The following SPTBN1 variants were observed in gnomAD, a reference collection of about 807,000 sequenced individuals.
SPTBN1 encodes the protein spectrin beta, non-erythrocytic 1, also known as spectrin beta chain, non-erythrocytic 1.
A neutral mutation model predicts 266.4 loss-of-function variants in SPTBN1; 32 were observed. The ratio of observed to expected loss-of-function variants is 0.12; its 90% CI spans 0.09 to 0.16. SPTBN1 has a LOEUF of 0.16. Among genes scored for constraint, SPTBN1 ranks in the 10% least tolerant of loss-of-function variants. The pLI is 1.00. For synonymous variants in SPTBN1, 1,336 were observed against 1,162.2 expected, an observed-to-expected ratio of 1.15 and a Z score of -3.04; for missense variants, 2,296 against 3,067.1, an observed-to-expected ratio of 0.75 and a Z score of 5.94.
intron 1 of SPTBN1, among the ~76,000 whole-genome samples, chr2:54,472,086 GGC>G (rs1693958045): frequency 7.6e-6 from 1 of 130,866 alleles, no homozygotes. Flanking sequence ...AGAGTGCAGT[GGC>G]GCGATCTTGG....
chr2:54,664,624 G>A lies in SPTBN1; in HGVS notation c.6592G>A (p.Ala2198Thr). The A allele has an allele frequency of 3.1e-6, 5 of 1,614,152 alleles. No individual in the cohort carries two copies. Among genetic ancestry groups the A allele is most frequent in the Non-Finnish European group, 4.2e-6 (5 of 1,180,032 alleles). The part of the protein sequence containing the change: ...LPARTQETPS[A>T]QMEGFLNRKH... The stretch of plus-strand genomic sequence containing the variant: ...AGCCAGAACCCAGGAGACACCTTCG[G>A]CCCAGATGGAAGGCTTCCTCAATCG... Residue 2198 changes from alanine to threonine, a missense_variant, in exon 33 of 36, where the codon GCC becomes ACC. Physicochemically the swap from Ala to Thr is moderately conservative, Grantham distance 58. Coordinates refer to ENST00000356805, the MANE Select transcript of SPTBN1 (RefSeq NM_003128.3). This position sits in a 1 kb window ranked among gnomAD's most constrained non-coding sequence, Gnocchi z 5.6.
chr2:54,648,161 T>C (rs923090956), intron 24 of SPTBN1, among the ~76,000 whole-genome samples: 2 of 152,214 alleles, frequency 1.3e-5, no homozygotes, highest in African/African-American at 4.8e-5. Flanking sequence ...TAAATGCCTT[T>C]TATGACTTGG....
intron 17 of SPTBN1, among the ~76,000 whole-genome samples, chr2:54,635,773 G>C (rs1296476386): frequency 6.6e-6 from 1 of 152,160 alleles, no homozygotes; most frequent in South Asian, 2.1e-4. Flanking sequence ...TCCTGCATTT[G>C]TCACTAAACT....
At chr2:54,623,757 C>A (rs983610058) in intron 10 of SPTBN1, among the ~76,000 whole-genome samples, 161 bp downstream of exon 10, 2 of 152,216 alleles carry the variant, frequency 1.3e-5, no homozygotes, top group Non-Finnish European at 2.9e-5. Flanking sequence ...AAGGACCAAG[C>A]AAGCAATGGT....
intron 2 of SPTBN1, among the ~76,000 whole-genome samples, chr2:54,575,592 T>C (rs778489761): frequency 6.6e-5 from 10 of 152,276 alleles, no homozygotes; most frequent in African/African-American, 1.9e-4. Flanking sequence ...TCAGGTGATA[T>C]TGAGCGTTGA....
At chr2:54,569,507 T>A (rs1352372026) in intron 2 of SPTBN1, among the ~76,000 whole-genome samples, 1 of 152,202 alleles carries the variant, frequency 6.6e-6, no homozygotes, top group East Asian at 1.9e-4. Flanking sequence ...CACACACATA[T>A]ACACACACGT....
rs922595271 is a variant in SPTBN1, at chr2:54,632,572, G to A, written c.3571G>A (p.Val1191Ile). Residue 1191 changes from valine to isoleucine, a missense_variant, in exon 17 of 36, where the codon GTT (valine) becomes ATT (isoleucine). By Grantham distance (29) the Val-to-Ile change is conservative (BLOSUM62 3). Transcript: ENST00000356805. ...AEAFLNNQEYVLAHTEMPTTL... is the reference protein window; with the variant it reads ...AEAFLNNQEYILAHTEMPTTL... ...GTTCCTCTTTTTAAATAAGGAGTAT[G>A]TTCTGGCTCACACTGAAATGCCTAC... 3.1e-6 allele frequency: 5 copies of A among 1,614,234 alleles called. No homozygotes were observed. Among genetic ancestry groups the A allele is most frequent in the Admixed American group, 1.7e-5 (1 of 60,032 alleles).
At chr2:54,548,044 G>A (rs1177761078) in intron 2 of SPTBN1, among the ~76,000 whole-genome samples, 1 of 152,192 alleles carries the variant, frequency 6.6e-6, no homozygotes. Context: ...TTGGGAGGCT[G>A]AGGCAGGAGA....
At chr2:54,511,210 T>G (rs1470057902) in intron 1 of SPTBN1, among the ~76,000 whole-genome samples, 1 of 152,254 alleles carries the variant, frequency 6.6e-6, no homozygotes, top group Non-Finnish European at 1.5e-5. Context: ...TACTCATGTT[T>G]AGATATTCTG....
In SPTBN1 at chr2:54,621,396, A is replaced by G. The variant is rs141959769; in HGVS notation, c.764-4A>G. 2,683 of 1,610,886 alleles carry G rather than the reference A, an allele frequency of 1.7e-3. 6 individuals are homozygous for G. Among genetic ancestry groups the G allele is most frequent in the Non-Finnish European group, 2.0e-3 (2,359 of 1,177,174 alleles). ...CACTGAACAGAGTCTTCTCTGGGTTACAGACATCAGCGTGGACCATCCTGA... is the reference window on the plus strand; with the variant it reads ...CACTGAACAGAGTCTTCTCTGGGTTGCAGACATCAGCGTGGACCATCCTGA... On this transcript the variant is annotated splice_region_variant and splice_polypyrimidine_tract_variant and intron_variant, in intron 7 of 35. Coordinates refer to ENST00000356805, the MANE Select transcript of SPTBN1 (RefSeq NM_003128.3).
rs898936535 is a variant in SPTBN1, at chr2:54,630,183, C to G, written c.2807+154C>G. Among the ~76,000 whole-genome samples the G allele has an allele frequency of 2.0e-5, 3 of 152,156 alleles. No individual in the cohort carries two copies. In the East Asian group the frequency reaches 5.8e-4, roughly 29 times the overall value. ...CATTGGCACCTGCCTTTTGACATGT[C>G]CTTGTTTTGTAAGAAGTGTCTCTCA... On this transcript the variant is annotated intron_variant, in intron 15 of 35. Coordinates refer to ENST00000356805, the MANE Select transcript of SPTBN1 (RefSeq NM_003128.3).
rs1385788179 is a variant in SPTBN1, at chr2:54,540,648, A to AG, written c.148+14083dup. ...GGCACTCAGTAGAGGGCATCTCTAA[A>AG]GAAACTATCTCCCCAAGGTTGGCCT... On this transcript the variant is annotated intron_variant, in intron 2 of 35. Transcript: ENST00000356805. This position sits in a 1 kb window ranked among gnomAD's most constrained non-coding sequence, Gnocchi z 5.6. 8.5e-5 allele frequency: 13 copies of AG among 152,322 alleles called. No individual in the cohort carries two copies. Among genetic ancestry groups the AG allele is most frequent in the African/African-American group, 3.1e-4 (13 of 41,566 alleles). 9.4% of individuals were successfully genotyped at this position (152,322 alleles called of 1,614,324 possible). A position where few individuals can be genotyped will look rare whatever the true frequency, so the allele number is the denominator to read the frequency against.
At position 54,645,915 on chromosome 2, in the gene SPTBN1, A is replaced by T. The variant is rs1372078230; in HGVS notation, c.4495-13A>T. 3.7e-6 allele frequency: 6 copies of T among 1,614,120 alleles called. No individual in the cohort carries two copies. The highest frequency in any genetic ancestry group is 1.7e-5 in the Admixed American group (1 of 60,028). On this transcript the variant is annotated splice_polypyrimidine_tract_variant and intron_variant, in intron 21 of 35. Transcript: ENST00000356805. The surrounding 1 kb of genome is among the most constrained non-coding windows in gnomAD (Gnocchi z 4.3). ...CTGAGTGGATCTGACCACTTATTTA[A>T]AATTCTTCCCAGTTGTGGGTTGGAG... is the stretch of plus-strand genomic sequence containing the variant.
chr2:54,581,208 G>A (rs1674874966), intron 2 of SPTBN1, among the ~76,000 whole-genome samples: 1 of 152,086 alleles, frequency 6.6e-6, no homozygotes, highest in Non-Finnish European at 1.5e-5. Flanking sequence ...TGGCTATATT[G>A]AAAGCTAATA....
intron 1 of SPTBN1, among the ~76,000 whole-genome samples, chr2:54,461,308 A>G (rs1378095814): frequency 2.6e-5 from 4 of 152,174 alleles, no homozygotes; most frequent in South Asian, 2.1e-4. Flanking sequence ...CACCTGCTGT[A>G]TAGTATTCTA....
intron 1 of SPTBN1, among the ~76,000 whole-genome samples, chr2:54,520,103 A>T (rs1670348617): frequency 6.6e-6 from 1 of 152,168 alleles, no homozygotes; most frequent in African/African-American, 2.4e-5. Flanking sequence ...GTCACCAAGG[A>T]AGATTTTGTA....
intron 1 of SPTBN1, among the ~76,000 whole-genome samples, chr2:54,523,664 T>G (rs1198049017): frequency 6.6e-6 from 1 of 152,208 alleles, no homozygotes; most frequent in African/African-American, 2.4e-5. Flanking sequence ...ACGATAAATG[T>G]TTCTTTTCTA....
chr2:54,522,630 C>CAAAG (rs1670510261), intron 1 of SPTBN1, among the ~76,000 whole-genome samples: 1 of 113,738 alleles, frequency 8.8e-6, no homozygotes, highest in Non-Finnish European at 1.9e-5. Flanking sequence ...GACTCTGTCT[C>CAAAG]AAAAAGAAAG....
intron 2 of SPTBN1, 90 bp downstream of exon 2, chr2:54,526,656 A>G (rs1055305554): frequency 1.4e-6 from 2 of 1,447,216 alleles, no homozygotes; most frequent in East Asian, 2.4e-5. Context: ...TGACGCTGTC[A>G]TGTTCGAAGG....
Sources: gnomAD v4.1 joint callset for allele counts (sites outside exome capture counted in the v4.1 genomes callset) on GRCh38, gnomAD v4.1.1 for gene constraint, Gnocchi (gnomAD v3.1) non-coding constraint, MANE v1.5 for transcripts, NCBI Gene and HGNC (gene_info 2026-07-23, HGNC 2026-07-21) for gene names.